The following SPIRE1 variants were observed in gnomAD, a reference collection of about 807,000 sequenced individuals.
SPIRE1 encodes the protein spire type actin nucleation factor 1.
In SPIRE1, 40 loss-of-function variants were observed where a neutral mutation model predicts 94.1. The ratio of observed to expected loss-of-function variants is 0.43; its 90% confidence interval spans 0.33 to 0.55. The LOEUF (loss-of-function observed/expected upper bound fraction) is 0.55. Ranked by LOEUF, SPIRE1 falls within the 20% of genes least tolerant of loss-of-function variation. The pLI, the probability that SPIRE1 is intolerant of heterozygous loss-of-function variation, is 0.06. For missense variants in SPIRE1, 838 were observed against 975.2 expected, an observed-to-expected ratio of 0.86 and a Z score of 1.87; for synonymous variants, 376 against 371.7, an observed-to-expected ratio of 1.01 and a Z score of -0.13.
chr18:12,533,932 TACACACACACACACACAC>T (rs10658152), intron 4 of SPIRE1, among the ~76,000 whole-genome samples: 18 of 144,418 alleles, frequency 1.2e-4, no homozygotes, highest in Admixed American at 1.0e-3. Flanking sequence ...GCTAATCCAT[TACACACACACACACACAC>T]ACACACACAC....
intron 3 of SPIRE1, among the ~76,000 whole-genome samples, chr18:12,543,644 C>T (rs193071488): frequency 2.0e-4 from 31 of 152,126 alleles, no homozygotes; most frequent in African/African-American, 7.2e-4. Context: ...TAAAACATAA[C>T]AAATTATTAG....
chr18:12,595,468 C>G (rs1039153405), intron 2 of SPIRE1, among the ~76,000 whole-genome samples: 1 of 152,192 alleles, frequency 6.6e-6, no homozygotes, highest in African/African-American at 2.4e-5. Flanking sequence ...CTAACCACCA[C>G]GTTGTTCAGG....
intron 4 of SPIRE1, among the ~76,000 whole-genome samples, chr18:12,528,642 G>A (rs570725842): frequency 6.6e-6 from 1 of 152,116 alleles, no homozygotes; most frequent in African/African-American, 2.4e-5. Flanking sequence ...ATGCTAAGGG[G>A]TTTACACTTT....
intron 2 of SPIRE1, among the ~76,000 whole-genome samples, chr18:12,554,208 G>A (rs950557791): frequency 6.8e-6 from 1 of 146,974 alleles, no homozygotes; most frequent in Non-Finnish European, 1.5e-5. Flanking sequence ...CTGACGCACA[G>A]AATTGCTTAA....
At chr18:12,570,132 A>C (rs1390013229) in intron 2 of SPIRE1, among the ~76,000 whole-genome samples, 2 of 152,144 alleles carry the variant, frequency 1.3e-5, no homozygotes, top group Non-Finnish European at 2.9e-5. Context: ...CCCTTCATCC[A>C]GCCCCTCTTT....
At chr18:12,489,225 A>G (rs1481828312) in intron 8 of SPIRE1, among the ~76,000 whole-genome samples, 1 of 152,216 alleles carries the variant, frequency 6.6e-6, no homozygotes, top group East Asian at 1.9e-4. Context: ...CTTATCTCGG[A>G]AAAGTTTTCT....
At chr18:12,616,883 G>A (rs571031685) in intron 2 of SPIRE1, among the ~76,000 whole-genome samples, 30 of 152,032 alleles carry the variant, frequency 2.0e-4, no homozygotes, top group Middle Eastern at 3.4e-3. Context: ...TTTTTTAGAT[G>A]GAGTCTTGCT....
chr18:12,580,074 A>T (rs2036215189), intron 2 of SPIRE1, among the ~76,000 whole-genome samples: 1 of 152,186 alleles, frequency 6.6e-6, no homozygotes, highest in South Asian at 2.1e-4. Flanking sequence ...ACATGATAAG[A>T]GGAAGTAGAA....
chr18:12,479,112 A>G (rs1164592397), intron 10 of SPIRE1, among the ~76,000 whole-genome samples: 1 of 151,722 alleles, frequency 6.6e-6, no homozygotes, highest in Non-Finnish European at 1.5e-5. Flanking sequence ...AACCCCACAT[A>G]TAATTTAAGA....
At chr18:12,572,132 A>G (rs914321384) in intron 2 of SPIRE1, among the ~76,000 whole-genome samples, 6 of 152,208 alleles carry the variant, frequency 3.9e-5, no homozygotes, top group African/African-American at 1.4e-4. Context: ...AATGACTGAG[A>G]AAAATCCTAA....
rs117659042 is a variant in SPIRE1, at chr18:12,527,086, C to T, written c.729+8390G>A. Among the ~76,000 whole-genome samples the T allele has an allele frequency of 2.9e-3, 446 of 152,282 alleles. 1 individual carries two copies. The highest frequency in any genetic ancestry group is 5.4e-3 in the South Asian group (26 of 4,830). On this transcript the variant is annotated intron_variant, in intron 4 of 16. Transcript: ENST00000409402. ...CTAGTTCCTCTGACAGCCAGCATCT[C>T]TCCATTCACTAGGCTTTGTGATGTC...
Position 12,559,352 on chromosome 18 carries a change from C to G in SPIRE1, c.373-12448G>C, listed in dbSNP as rs763662337. On this transcript the variant is annotated intron_variant, in intron 2 of 16. Transcript: ENST00000409402. The surrounding 1 kb of genome is among the most constrained non-coding windows in gnomAD (Gnocchi z 4.7). ...CGCGGGTGCTAAGCCTCTCATTGCC[C>G]GGGCCGGCGTCGCCAGCCGGCAGCT... 6.6e-6 allele frequency among the ~76,000 whole-genome samples: 1 copy of G among 152,182 alleles called. No homozygotes were observed. The highest frequency in any genetic ancestry group is 2.4e-5 in the African/African-American group (1 of 41,442).
intron 1 of SPIRE1, among the ~76,000 whole-genome samples, chr18:12,651,958 T>C (rs903777019): frequency 2.6e-5 from 4 of 152,228 alleles, no homozygotes; most frequent in African/African-American, 9.6e-5. Context: ...TAAGATTATT[T>C]TAAATCAACA....
intron 2 of SPIRE1, among the ~76,000 whole-genome samples, chr18:12,577,848 T>G (rs985202820): frequency 6.6e-6 from 1 of 152,106 alleles, no homozygotes; most frequent in Non-Finnish European, 1.5e-5. Context: ...ATGTATTTTT[T>G]AAAAAACAGA....
At chr18:12,599,205 A>G (rs1211420796) in intron 2 of SPIRE1, among the ~76,000 whole-genome samples, 7 of 152,202 alleles carry the variant, frequency 4.6e-5, no homozygotes, top group South Asian at 2.1e-4. Context: ...TGCTCTTTGT[A>G]CTATCCTTCC....
chr18:12,492,370 C>T (rs1389921165), intron 8 of SPIRE1, among the ~76,000 whole-genome samples: 3 of 151,990 alleles, frequency 2.0e-5, no homozygotes, highest in Non-Finnish European at 2.9e-5. Flanking sequence ...GAAAGACAGT[C>T]GTATAAATAA....
chr18:12,655,749 C>T (rs985102486), intron 1 of SPIRE1, among the ~76,000 whole-genome samples: 2 of 152,016 alleles, frequency 1.3e-5, no homozygotes, highest in African/African-American at 4.8e-5. Context: ...GACAACAAAA[C>T]TACACGATTT....
intron 2 of SPIRE1, among the ~76,000 whole-genome samples, chr18:12,625,622 T>G (rs2037599958): frequency 6.6e-6 from 1 of 152,246 alleles, no homozygotes; most frequent in African/African-American, 2.4e-5. Flanking sequence ...TAAAACAGCC[T>G]CATTTATGCA....
chr18:12,510,669 A>C (rs2034007787), intron 5 of SPIRE1, among the ~76,000 whole-genome samples: 1 of 151,756 alleles, frequency 6.6e-6, no homozygotes, highest in Non-Finnish European at 1.5e-5. Flanking sequence ...CAGCCTCCCA[A>C]GTAGGTGGGA....
Sources: gnomAD v4.1 joint callset for allele counts (sites outside exome capture counted in the v4.1 genomes callset) on GRCh38, gnomAD v4.1.1 for gene constraint, Gnocchi (gnomAD v3.1) non-coding constraint, MANE v1.5 for transcripts, NCBI Gene and HGNC (gene_info 2026-07-23, HGNC 2026-07-21) for gene names.